ATG16L1: variants seen among roughly 807,000 people sequenced by gnomAD.
ATG16L1 encodes the protein autophagy related 16 like 1.
Under a neutral mutation model 88.5 loss-of-function variants are expected in ATG16L1, and 37 were observed. The ratio of observed to expected loss-of-function variants is 0.42; its 90% confidence interval spans 0.32 to 0.55. The LOEUF (loss-of-function observed/expected upper bound fraction) is 0.55, where lower values mean the gene tolerates loss of function less well. ATG16L1 is among the 20% of genes least tolerant of loss of function. The probability of loss-of-function intolerance (pLI) is 0.13; values close to 1 mark genes in which losing one functional copy is unlikely to be tolerated. For synonymous variants in ATG16L1, 301 were observed against 281.0 expected, an observed-to-expected ratio of 1.07 and a Z score of -0.71; for missense variants, 554 against 752.8, an observed-to-expected ratio of 0.74 and a Z score of 3.09.
intron 1 of ATG16L1, among the ~76,000 whole-genome samples, chr2:233,253,332 G>GTTTTTTTTTTTTTTTTTTTTTTTTTT (rs570754671): frequency 1.8e-5 from 2 of 112,890 alleles, no homozygotes; most frequent in Non-Finnish European, 1.8e-5. Context: ...GTGAGACTGG[G>GTTTTTTTTTTTTTTTTTTTTTTTTTT]TTTTTTTGTT....
intron 12 of ATG16L1, among the ~76,000 whole-genome samples, chr2:233,286,355 C>T (rs1422107474): frequency 6.6e-6 from 1 of 152,184 alleles, no homozygotes; most frequent in Non-Finnish European, 1.5e-5. Flanking sequence ...GACATCTAAA[C>T]CCGCTGCCCC....
chr2:233,291,145 A>C (rs1699437074), intron 14 of ATG16L1, among the ~76,000 whole-genome samples: 1 of 152,138 alleles, frequency 6.6e-6, no homozygotes, highest in Admixed American at 6.6e-5. Context: ...AAATGAGGAC[A>C]GCCTCCCAGC....
intron 10 of ATG16L1, among the ~76,000 whole-genome samples, chr2:233,280,084 G>A (rs1329237206): frequency 6.6e-6 from 1 of 152,202 alleles, no homozygotes; most frequent in East Asian, 1.9e-4. Context: ...AGTGAGTTCA[G>A]AGGAGAGGTT....
chr2:233,277,427 G>T, intron 9 of ATG16L1, 141 bp from the exon 10 acceptor site: 1 of 666,446 alleles, frequency 1.5e-6, no homozygotes, highest in Non-Finnish European at 2.7e-6. Flanking sequence ...CCTGGGCTAG[G>T]AGTCCAGTTT....
At chr2:233,254,215 G>A (rs186650877) in intron 1 of ATG16L1, among the ~76,000 whole-genome samples, 31 of 152,324 alleles carry the variant, frequency 2.0e-4, no homozygotes, top group Middle Eastern at 3.4e-3. Flanking sequence ...GTCACTTGTG[G>A]AGAGCAGATA....
intron 5 of ATG16L1, among the ~76,000 whole-genome samples, chr2:233,267,415 G>A (rs138797828): frequency 1.3e-5 from 2 of 152,170 alleles, no homozygotes; most frequent in African/African-American, 4.8e-5. Context: ...CCGAAAATAG[G>A]ACACAAAATG....
At chr2:233,273,275 A>G (rs1331458436) in intron 7 of ATG16L1, 4 of 536,666 alleles carry the variant, frequency 7.5e-6, no homozygotes, top group Non-Finnish European at 1.3e-5. Flanking sequence ...TTCTAAATAC[A>G]AAAAAATGTA....
Position 233,294,751 on chromosome 2 carries a change from TG to T in ATG16L1, c.*403del, listed in dbSNP as rs1699697025. ...TCTCTCGTCCTTCCAAAGTCGGTTC[TG>T]GCCTAACGCATGTCCCAACACCTTG... On this transcript the variant is annotated 3_prime_UTR_variant, in exon 18 of 18. Coordinates refer to ENST00000392017, the MANE Select transcript of ATG16L1 (RefSeq NM_030803.7). 1 of 160,476 alleles carries T rather than the reference TG, an allele frequency of 6.2e-6. No individual in the cohort carries two copies. Among genetic ancestry groups the T allele is most frequent in the African/African-American group, 2.4e-5 (1 of 41,682 alleles). The allele number at this position is 160,476 out of a possible 1,614,324, so 9.9% of individuals were successfully genotyped here. A position where few individuals can be genotyped will look rare whatever the true frequency, so the allele number is the denominator to read the frequency against.
chr2:233,270,198 A>G, intron 6 of ATG16L1, 131 bp downstream of exon 6: 1 of 647,612 alleles, frequency 1.5e-6, no homozygotes, highest in Non-Finnish European at 2.5e-6. Flanking sequence ...GCTGGAGTGC[A>G]GTGGTGTGAT....
chr2:233,294,408 C>A lies in ATG16L1; in HGVS notation c.*58C>A. On this transcript the variant is annotated 3_prime_UTR_variant, in exon 18 of 18. Coordinates refer to ENST00000392017, the MANE Select transcript of ATG16L1 (RefSeq NM_030803.7). ...CCTCCTCAGAAGAAGCACATGGGCT[C>A]CTGCAGCCCTGTCCTGGCAGGTGAT... The A allele has an allele frequency of 7.3e-7, 1 of 1,377,660 alleles. No individual in the cohort carries two copies. The highest frequency in any genetic ancestry group is 1.0e-6 in the Non-Finnish European group (1 of 976,874). The allele number at this position is 1,377,660 out of a possible 1,614,324, so 85.3% of individuals were successfully genotyped here.
chr2:233,258,016 A>T (rs1381093528), intron 2 of ATG16L1, among the ~76,000 whole-genome samples: 9,276 of 51,922 alleles, frequency 0.18, 380 homozygotes, highest in South Asian at 0.25. Context: ...AAAAAAAAAA[A>T]ATATCTATAT....
Position 233,292,227 on chromosome 2 carries a change from CT to C in ATG16L1, c.1532del (p.Leu511CysfsTer2), listed in dbSNP as rs1477285171. On this transcript the variant is annotated frameshift_variant, in exon 15 of 18. Coordinates refer to ENST00000392017, the MANE Select transcript of ATG16L1 (RefSeq NM_030803.7). LOFTEE classifies it high-confidence loss of function. ...AGCTCCTGAGCTGCTCCCGTGATGACTTGCTAAAAGTTATTGATCTCCGAAC... is the reference window on the plus strand; with the variant it reads ...AGCTCCTGAGCTGCTCCCGTGATGACTGCTAAAAGTTATTGATCTCCGAAC... ...TELLSCSRDD[L>X]LKVIDLRTNA... The C allele has an allele frequency of 6.2e-7, 1 of 1,614,124 alleles. No homozygotes were observed. Among genetic ancestry groups the C allele is most frequent in the Admixed American group, 1.7e-5 (1 of 60,010 alleles).
intron 5 of ATG16L1, among the ~76,000 whole-genome samples, chr2:233,266,833 T>G (rs1039848781): frequency 6.6e-6 from 1 of 152,080 alleles, no homozygotes; most frequent in Non-Finnish European, 1.5e-5. Context: ...TTACAACCAC[T>G]TGGATGGAAC....
intron 12 of ATG16L1, among the ~76,000 whole-genome samples, chr2:233,285,063 A>G (rs1257921202): frequency 6.6e-6 from 1 of 152,254 alleles, no homozygotes; most frequent in Non-Finnish European, 1.5e-5. Context: ...GCCATGGGGC[A>G]CACCAATTCA....
At chr2:233,278,609 G>T (rs1051758763) in intron 10 of ATG16L1, among the ~76,000 whole-genome samples, 3 of 152,198 alleles carry the variant, frequency 2.0e-5, no homozygotes, top group African/African-American at 4.8e-5. Context: ...TGTGGTGAGG[G>T]AGTGGTGGAA....
intron 14 of ATG16L1, among the ~76,000 whole-genome samples, chr2:233,290,904 ATCT>A (rs1439694703): frequency 6.6e-6 from 1 of 152,180 alleles, no homozygotes; most frequent in Non-Finnish European, 1.5e-5. Context: ...AAATCACTCG[ATCT>A]TGTAAGTCGT....
At chr2:233,289,713 C>T (rs1280284489) in intron 12 of ATG16L1, 141 bp from the exon 13 acceptor site, 3 of 1,120,520 alleles carry the variant, frequency 2.7e-6, no homozygotes, top group East Asian at 2.5e-5. Flanking sequence ...CCTTTGCTGT[C>T]TTATCGCTTT....
In ATG16L1 at chr2:233,281,232, G is replaced by C. The variant is rs901656007; in HGVS notation, c.1131+57G>C. On this transcript the variant is annotated intron_variant, in intron 11 of 17. Transcript: ENST00000392017. Reference sequence around the variant, plus strand: ...TTTTAGAAATAATTTAAGACATTAGGTTCTTGAAATTATAACATAACTTAC... The same window carrying C: ...TTTTAGAAATAATTTAAGACATTAGCTTCTTGAAATTATAACATAACTTAC... The C allele has an allele frequency of 2.4e-5, 31 of 1,311,048 alleles. 1 individual carries two copies. The South Asian group carries it at 4.3e-4, about 18-fold the overall frequency. 81.2% of individuals were successfully genotyped at this position (1,311,048 alleles called of 1,614,324 possible).
intron 5 of ATG16L1, chr2:233,265,961 A>T (rs1697541275): frequency 6.6e-6 from 1 of 152,382 alleles, no homozygotes; most frequent in South Asian, 2.1e-4. Context: ...CCCCTGGTCA[A>T]GGTCCACTGA....
Sources: allele counts gnomAD v4.1 joint callset (sites outside exome capture counted in the v4.1 genomes callset), GRCh38; gene constraint gnomAD v4.1.1; transcripts MANE v1.5; gene names NCBI Gene and HGNC (gene_info 2026-07-23, HGNC 2026-07-21).